The following PDGFD variants were observed in gnomAD, a reference collection of about 807,000 sequenced individuals.
PDGFD encodes the protein platelet derived growth factor D.
In PDGFD, 30 loss-of-function variants were observed where a neutral mutation model predicts 44.7. The ratio of observed to expected loss-of-function variants is 0.67; its 90% CI spans 0.50 to 0.91. The LOEUF (loss-of-function observed/expected upper bound fraction) is 0.91, where lower values mean the gene tolerates loss of function less well. Ranked by LOEUF, PDGFD falls within the 40% of genes least tolerant of loss-of-function variation. PDGFD has a pLI of 0.00. For missense variants in PDGFD, 445 were observed against 457.8 expected, an observed-to-expected ratio of 0.97 and a Z score of 0.25; for synonymous variants, 173 against 168.4, an observed-to-expected ratio of 1.03 and a Z score of -0.21.
intron 6 of PDGFD, among the ~76,000 whole-genome samples, chr11:103,914,358 T>C (rs1193966996): frequency 6.6e-6 from 1 of 152,042 alleles, no homozygotes; most frequent in African/African-American, 2.4e-5. Flanking sequence ...TTTGGCCTTT[T>C]TGGCTCCCAA....
chr11:104,008,805 G>C (rs1859740851), intron 1 of PDGFD, among the ~76,000 whole-genome samples: 1 of 152,108 alleles, frequency 6.6e-6, no homozygotes, highest in Non-Finnish European at 1.5e-5. Context: ...TATATTGCCA[G>C]TCTGGGCATA....
In PDGFD at chr11:104,073,255, G is replaced by C. The variant is rs139466949; in HGVS notation, c.125-73000C>G. ...ATTGCAGCTTAAACAAACAATGCAA[G>C]TGCCTGTAAATGGTAAATGGCTGTA... On this transcript the variant is annotated intron_variant, in intron 1 of 6. Coordinates refer to ENST00000393158, the MANE Select transcript of PDGFD (RefSeq NM_025208.5). 3.4e-3 allele frequency among the ~76,000 whole-genome samples: 511 copies of C among 152,172 alleles called. 1 individual carries two copies. The highest frequency in any genetic ancestry group is 0.012 in the African/African-American group (491 of 41,534).
intron 5 of PDGFD, among the ~76,000 whole-genome samples, chr11:103,936,153 C>A (rs1198845850): frequency 1.3e-5 from 2 of 152,090 alleles, no homozygotes; most frequent in Non-Finnish European, 1.5e-5. Context: ...TATTAATAAG[C>A]AACACAAGTT....
chr11:104,094,518 T>C (rs1591160548), intron 1 of PDGFD, among the ~76,000 whole-genome samples: 1 of 152,046 alleles, frequency 6.6e-6, no homozygotes, highest in East Asian at 1.9e-4. Flanking sequence ...CCCACCTCCA[T>C]CCTCAAAGTT....
chr11:104,024,912 C>G (rs535706510), intron 1 of PDGFD, among the ~76,000 whole-genome samples: 1 of 152,320 alleles, frequency 6.6e-6, no homozygotes, highest in East Asian at 1.9e-4. Flanking sequence ...TCCTCCCAAG[C>G]TATATTGCTC....
chr11:104,135,910 A>G (rs1320549254), intron 1 of PDGFD, among the ~76,000 whole-genome samples: 1 of 148,374 alleles, frequency 6.7e-6, no homozygotes, highest in Non-Finnish European at 1.5e-5. Flanking sequence ...AATATATTAC[A>G]CACCAGCTCC....
intron 3 of PDGFD, among the ~76,000 whole-genome samples, chr11:103,978,090 G>T (rs1859210517): frequency 6.6e-6 from 1 of 152,052 alleles, no homozygotes; most frequent in Admixed American, 6.6e-5. Context: ...CATTTCCATT[G>T]CTAACAGCTG....
intron 3 of PDGFD, among the ~76,000 whole-genome samples, chr11:103,956,287 C>A (rs183548221): frequency 0.014 from 2,062 of 151,490 alleles, 81 homozygotes; most frequent in East Asian, 0.11. Flanking sequence ...TGTTCAATTC[C>A]CATCTATGAG....
At chr11:104,127,702 T>C (rs1861859965) in intron 1 of PDGFD, among the ~76,000 whole-genome samples, 1 of 151,766 alleles carries the variant, frequency 6.6e-6, no homozygotes, top group African/African-American at 2.4e-5. Flanking sequence ...TATGAATACG[T>C]GTGTGTGTGT....
intron 5 of PDGFD, among the ~76,000 whole-genome samples, chr11:103,937,166 A>G (rs1858501885): frequency 1.3e-5 from 2 of 152,124 alleles, no homozygotes; most frequent in Admixed American, 6.6e-5. Flanking sequence ...GAATTTTAGC[A>G]TGTGTATCTA....
intron 3 of PDGFD, among the ~76,000 whole-genome samples, chr11:103,961,756 T>C (rs1251677044): frequency 6.6e-6 from 1 of 152,164 alleles, no homozygotes; most frequent in African/African-American, 2.4e-5. Context: ...AAAAAGAACT[T>C]CAACGTCACT....
intron 1 of PDGFD, among the ~76,000 whole-genome samples, chr11:104,068,845 CGTGT>C (rs1283278907): frequency 6.6e-6 from 1 of 151,844 alleles, no homozygotes; most frequent in Non-Finnish European, 1.5e-5. Context: ...TGTGTGTCTG[CGTGT>C]GTATTTTTTC....
At chr11:104,032,953 G>A (rs1416309209) in intron 1 of PDGFD, among the ~76,000 whole-genome samples, 1 of 151,848 alleles carries the variant, frequency 6.6e-6, no homozygotes, top group Non-Finnish European at 1.5e-5. Context: ...GATAACCTCA[G>A]TTACTTAGAT....
intron 1 of PDGFD, among the ~76,000 whole-genome samples, chr11:104,004,705 G>A (rs140650388): frequency 6.4e-4 from 97 of 151,992 alleles, no homozygotes; most frequent in African/African-American, 2.2e-3. Context: ...AACAAAATAT[G>A]CACAACAGCA....
chr11:104,000,440 G>T (rs1377383921), intron 1 of PDGFD, among the ~76,000 whole-genome samples, 185 bp from the exon 2 acceptor site: 2 of 152,182 alleles, frequency 1.3e-5, no homozygotes, highest in Non-Finnish European at 2.9e-5. Context: ...TCTATGTCCA[G>T]TGACTAGCAT....
At chr11:103,970,749 C>T (rs1591100762) in intron 3 of PDGFD, among the ~76,000 whole-genome samples, 2 of 152,034 alleles carry the variant, frequency 1.3e-5, no homozygotes, top group East Asian at 3.9e-4. Context: ...AAATGCATCG[C>T]CATGAAGGGA....
chr11:103,984,623 G>T (rs138183881), intron 3 of PDGFD, among the ~76,000 whole-genome samples: 16 of 151,202 alleles, frequency 1.1e-4, no homozygotes, highest in African/African-American at 3.9e-4. Flanking sequence ...TGGGACCTAT[G>T]GGTGTTTACT....
chr11:103,963,247 G>A (rs7480165), intron 3 of PDGFD, among the ~76,000 whole-genome samples: 48,494 of 151,910 alleles, frequency 0.32, 8,167 homozygotes, highest in South Asian at 0.4. Context: ...CACCTAGAAT[G>A]TGCACTAAGA....
chr11:104,153,925 A>G (rs1421241475), intron 1 of PDGFD, among the ~76,000 whole-genome samples: 2 of 152,134 alleles, frequency 1.3e-5, no homozygotes, highest in Non-Finnish European at 2.9e-5. Flanking sequence ...TCTGAACCCT[A>G]GAAAATGTGC....
Sources: allele counts gnomAD v4.1 joint callset (sites outside exome capture counted in the v4.1 genomes callset), GRCh38; gene constraint gnomAD v4.1.1; transcripts MANE v1.5; gene names NCBI Gene and HGNC (gene_info 2026-07-23, HGNC 2026-07-21).